The following PLGRKT variants were observed in gnomAD, a reference collection of about 807,000 sequenced individuals.
PLGRKT encodes the protein plasminogen receptor (KT).
PLGRKT carries 22 observed loss-of-function variants against 18.5 expected under a neutral mutation model. That is an observed-to-expected ratio of 1.19 (90% CI 0.85 to 1.70). The LOEUF is 1.70. Ranked by LOEUF, PLGRKT falls within the 40% of genes most tolerant of loss-of-function variation. The pLI is 0.00. For missense variants in PLGRKT, 235 were observed against 174.4 expected, an observed-to-expected ratio of 1.35 and a Z score of -1.96; for synonymous variants, 72 against 52.8, an observed-to-expected ratio of 1.36 and a Z score of -1.58.
chr9:5,416,912 T>C (rs144191703), intron 3 of PLGRKT, among the ~76,000 whole-genome samples: 39 of 152,348 alleles, frequency 2.6e-4, no homozygotes, highest in African/African-American at 8.2e-4. Flanking sequence ...CATCAGAATA[T>C]AGGAAATATT....
intron 3 of PLGRKT, among the ~76,000 whole-genome samples, chr9:5,420,578 C>A (rs1244367544): frequency 1.3e-5 from 2 of 152,116 alleles, no homozygotes; most frequent in African/African-American, 2.4e-5. Context: ...TACACCCACT[C>A]CCTCGGTGAA....
chr9:5,422,508 A>G (rs1207317055), intron 3 of PLGRKT, among the ~76,000 whole-genome samples: 1 of 152,212 alleles, frequency 6.6e-6, no homozygotes, highest in African/African-American at 2.4e-5. Flanking sequence ...AAATAGTACG[A>G]CAAGTAGAAA....
At chr9:5,400,975 A>G (rs781529333) in intron 3 of PLGRKT, among the ~76,000 whole-genome samples, 5 of 151,964 alleles carry the variant, frequency 3.3e-5, no homozygotes, top group Non-Finnish European at 7.4e-5. Context: ...TTTATCCTCA[A>G]AAACCCCAGA....
intron 3 of PLGRKT, among the ~76,000 whole-genome samples, chr9:5,404,948 A>G (rs1181689787): frequency 2.6e-5 from 4 of 152,226 alleles, no homozygotes; most frequent in Non-Finnish European, 5.9e-5. Flanking sequence ...TGCAAAATCA[A>G]TGTGCAGAAA....
chr9:5,418,562 G>A lies in PLGRKT; in HGVS notation c.81+13335C>T, dbSNP rs554999409. 5 of 803,114 alleles carry A rather than the reference G, an allele frequency of 6.2e-6. No individual in the cohort carries two copies. Among genetic ancestry groups the A allele is most frequent in the Non-Finnish European group, 1.1e-5 (5 of 452,402 alleles). 49.7% of individuals were successfully genotyped at this position (803,114 alleles called of 1,614,324 possible). A position where few individuals can be genotyped will look rare whatever the true frequency, so the allele number is the denominator to read the frequency against. ...TGGGGAGCCCTGCCTTGCAGAGGCT[G>A]CTGTCCAGCAGGGATGGTCACCACA... On this transcript the variant is annotated intron_variant, in intron 3 of 5. Coordinates refer to ENST00000223864, the MANE Select transcript of PLGRKT (RefSeq NM_018465.4). The surrounding 1 kb of genome is among the most constrained non-coding windows in gnomAD (Gnocchi z 4.2).
intron 3 of PLGRKT, among the ~76,000 whole-genome samples, chr9:5,411,533 C>T (rs1411597918): frequency 6.6e-6 from 1 of 152,136 alleles, no homozygotes. Context: ...TCCATGGTTA[C>T]TGAACCAGTA....
intron 3 of PLGRKT, among the ~76,000 whole-genome samples, chr9:5,379,793 GC>G (rs1817701935): frequency 6.6e-6 from 1 of 152,132 alleles, no homozygotes; most frequent in Non-Finnish European, 1.5e-5. Context: ...GTGCACTCAT[GC>G]ACTATTTTTG....
intron 3 of PLGRKT, among the ~76,000 whole-genome samples, chr9:5,390,454 A>C (rs1409773263): frequency 6.6e-6 from 1 of 151,860 alleles, no homozygotes; most frequent in Non-Finnish European, 1.5e-5. Flanking sequence ...GAGGGGGCTG[A>C]AGACCCTTCC....
At chr9:5,430,061 G>A (rs1482244259) in intron 3 of PLGRKT, among the ~76,000 whole-genome samples, 2 of 152,208 alleles carry the variant, frequency 1.3e-5, no homozygotes, top group African/African-American at 2.4e-5. Context: ...TGAGTGCATA[G>A]CACTCATTTC....
chr9:5,384,630 T>C (rs1423320504), intron 3 of PLGRKT, among the ~76,000 whole-genome samples: 1 of 152,136 alleles, frequency 6.6e-6, no homozygotes, highest in Admixed American at 6.5e-5. Flanking sequence ...GAAGTCAAAC[T>C]ACACAGAGGT....
At chr9:5,434,889 T>C (rs1269367968) in intron 2 of PLGRKT, among the ~76,000 whole-genome samples, 3 of 151,112 alleles carry the variant, frequency 2.0e-5, no homozygotes, top group Non-Finnish European at 4.4e-5. Context: ...GGGGGAAATG[T>C]GGGGAAAAGA....
chr9:5,387,333 G>C (rs1234418070), intron 3 of PLGRKT, among the ~76,000 whole-genome samples: 1 of 151,838 alleles, frequency 6.6e-6, no homozygotes, highest in Non-Finnish European at 1.5e-5. Context: ...GAGTACCCAA[G>C]AGGAATGAAC....
intron 3 of PLGRKT, among the ~76,000 whole-genome samples, chr9:5,412,475 G>T (rs77646526): frequency 0.012 from 1,761 of 152,280 alleles, 31 homozygotes; most frequent in African/African-American, 0.041. Flanking sequence ...GAGTAGGTTT[G>T]TTATCATGGC....
intron 3 of PLGRKT, among the ~76,000 whole-genome samples, chr9:5,362,165 G>A (rs1296601912): frequency 6.6e-6 from 1 of 152,214 alleles, no homozygotes; most frequent in East Asian, 1.9e-4. Flanking sequence ...CTTTAGCCAA[G>A]TCTCAAATAA....
At chr9:5,403,647 T>C (rs956898091) in intron 3 of PLGRKT, among the ~76,000 whole-genome samples, 12 of 152,236 alleles carry the variant, frequency 7.9e-5, no homozygotes, top group African/African-American at 2.9e-4. Context: ...TAACCAGAAG[T>C]TTAAAATTTA....
intron 3 of PLGRKT, among the ~76,000 whole-genome samples, chr9:5,365,052 T>C (rs1256132917): frequency 6.6e-6 from 1 of 152,048 alleles, no homozygotes; most frequent in Non-Finnish European, 1.5e-5. Flanking sequence ...ATAGAGGCAA[T>C]AACAACCCCT....
At chr9:5,371,896 T>G (rs1184329518) in intron 3 of PLGRKT, among the ~76,000 whole-genome samples, 1 of 151,762 alleles carries the variant, frequency 6.6e-6, no homozygotes, top group African/African-American at 2.4e-5. Context: ...CTACAATACT[T>G]AGGATACCTA....
At chr9:5,382,299 GCACA>G (rs1817762043) in intron 3 of PLGRKT, among the ~76,000 whole-genome samples, 2 of 152,300 alleles carry the variant, frequency 1.3e-5, no homozygotes, top group African/African-American at 4.8e-5. Context: ...GTTATGACAG[GCACA>G]ATTCAGGGCA....
intron 3 of PLGRKT, among the ~76,000 whole-genome samples, chr9:5,383,464 T>C (rs1817783867): frequency 6.6e-6 from 1 of 152,198 alleles, no homozygotes. Context: ...GGTTGACGGA[T>C]GGTTTCAGGA....
Sources: allele counts gnomAD v4.1 joint callset (sites outside exome capture counted in the v4.1 genomes callset), GRCh38; gene constraint gnomAD v4.1.1; non-coding constraint Gnocchi (gnomAD v3.1); transcripts MANE v1.5; gene names NCBI Gene and HGNC (gene_info 2026-07-23, HGNC 2026-07-21).